Variants in RYR3 observed in about 807,000 individuals in gnomAD.
The protein encoded by RYR3 is ryanodine receptor 3, also known as brain ryanodine receptor-calcium release channel.
RYR3 carries 207 observed loss-of-function variants against 584.3 expected under a neutral mutation model. That is an observed-to-expected ratio of 0.35 (90% CI 0.32 to 0.40). RYR3 has a LOEUF of 0.40. RYR3 is among the 10% of genes least tolerant of loss of function. The probability of loss-of-function intolerance (pLI) is 1.00; values close to 1 mark genes in which losing one functional copy is unlikely to be tolerated. For missense variants in RYR3, 5,616 were observed against 6,089.2 expected, an observed-to-expected ratio of 0.92 and a Z score of 2.59; for synonymous variants, 2,416 against 2,248.5, an observed-to-expected ratio of 1.07 and a Z score of -2.11.
intron 16 of RYR3, among the ~76,000 whole-genome samples, chr15:33,599,189 C>T (rs1028414530): frequency 6.6e-6 from 1 of 152,074 alleles, no homozygotes; most frequent in African/African-American, 2.4e-5. Context: ...TAAGTTAGCT[C>T]ATGCTGGTAC....
At chr15:33,643,717 T>C (rs986515298) in intron 27 of RYR3, among the ~76,000 whole-genome samples, 62 of 152,226 alleles carry the variant, frequency 4.1e-4, no homozygotes, top group African/African-American at 1.4e-3. Context: ...GTCGGGCAAC[T>C]TGCACCAAGT....
chr15:33,458,200 G>A (rs1263554483), intron 1 of RYR3, among the ~76,000 whole-genome samples: 1 of 152,104 alleles, frequency 6.6e-6, no homozygotes, highest in African/African-American at 2.4e-5. Flanking sequence ...GGCTGGGTAG[G>A]GTAGACAGTG....
intron 94 of RYR3, 33 bp from the exon 95 acceptor site, chr15:33,853,012 T>C: frequency 1.3e-6 from 2 of 1,587,164 alleles, no homozygotes; most frequent in South Asian, 1.1e-5. Flanking sequence ...ATGTTAAGAA[T>C]GAAGAACCAA....
chr15:33,322,284 C>T (rs554538813), intron 1 of RYR3, among the ~76,000 whole-genome samples: 2 of 152,290 alleles, frequency 1.3e-5, no homozygotes, highest in South Asian at 4.2e-4. Flanking sequence ...TCTGGGGAGG[C>T]CTCCAGGAGC....
chr15:33,481,874 C>G (rs900501959), intron 2 of RYR3, among the ~76,000 whole-genome samples: 1 of 151,130 alleles, frequency 6.6e-6, no homozygotes, highest in African/African-American at 2.4e-5. Context: ...ATACAAATTC[C>G]CTTATATCTT....
intron 64 of RYR3, among the ~76,000 whole-genome samples, chr15:33,777,359 C>A (rs1327526406): frequency 6.6e-6 from 1 of 152,154 alleles, no homozygotes; most frequent in Non-Finnish European, 1.5e-5. Context: ...CAAGTCTTTG[C>A]CTAGCTCAAT....
chr15:33,844,214 C>G (rs546812109), intron 92 of RYR3, among the ~76,000 whole-genome samples: 1 of 152,152 alleles, frequency 6.6e-6, no homozygotes, highest in Admixed American at 6.5e-5. Context: ...ACTTTCCACT[C>G]GACAAACTAA....
At chr15:33,817,283 C>G (rs1006008658) in intron 75 of RYR3, among the ~76,000 whole-genome samples, 3 of 152,202 alleles carry the variant, frequency 2.0e-5, no homozygotes, top group Non-Finnish European at 4.4e-5. Flanking sequence ...GCCACCCCAG[C>G]CAAAGCCCCA....
chr15:33,581,922 G>C (rs976284720), intron 14 of RYR3, among the ~76,000 whole-genome samples: 1 of 152,098 alleles, frequency 6.6e-6, no homozygotes, highest in East Asian at 1.9e-4. Flanking sequence ...CCTTTCATGA[G>C]GAAACGAGAC....
At chr15:33,685,354 A>G (rs1306272305) in intron 38 of RYR3, among the ~76,000 whole-genome samples, 1 of 152,224 alleles carries the variant, frequency 6.6e-6, no homozygotes. Context: ...AAAGAAGGCC[A>G]ATACATAATG....
intron 18 of RYR3, among the ~76,000 whole-genome samples, chr15:33,605,872 G>A (rs57050063): frequency 0.15 from 22,494 of 152,182 alleles, 1,726 homozygotes; most frequent in Middle Eastern, 0.19. Flanking sequence ...AGAATGGTGG[G>A]TAGATAGGGG....
chr15:33,661,623 C>T lies in RYR3; in HGVS notation c.4623-530C>T, dbSNP rs749379174. Among the ~76,000 whole-genome samples the T allele has an allele frequency of 7.9e-5, 12 of 152,064 alleles. 1 individual carries two copies. The highest frequency in any genetic ancestry group is 1.2e-4 in the Non-Finnish European group (8 of 68,008). ...ACCTCAGATCATCAGGCGTTAGATT[C>T]TTATAAGGAGCATGCAGCCTAGATC... On this transcript the variant is annotated intron_variant, in intron 34 of 103. Transcript: ENST00000634891.
At chr15:33,548,922 T>C (rs2056456067) in intron 9 of RYR3, among the ~76,000 whole-genome samples, 1 of 152,186 alleles carries the variant, frequency 6.6e-6, no homozygotes, top group South Asian at 2.1e-4. Flanking sequence ...CCTCTAGTTC[T>C]TTCTGCTCAG....
In RYR3 at chr15:33,669,412, G is replaced by A. The variant is rs764604219; in HGVS notation, c.5678G>A (p.Arg1893Gln). The A allele has an allele frequency of 1.1e-5, 17 of 1,613,824 alleles. No individual in the cohort carries two copies. The highest frequency in any genetic ancestry group is 1.6e-4 in the Middle Eastern group (1 of 6,084). ...AACTGCCCCTGCCCAGAGGAGATTCGGGAGGAGCTGTATGATTTCCATGAG... is the reference window on the plus strand; with the variant it reads ...AACTGCCCCTGCCCAGAGGAGATTCAGGAGGAGCTGTATGATTTCCATGAG... ...GENCPCPEEI[R>Q]EELYDFHEDL... is the part of the protein sequence containing the mutation. The change falls in exon 37 of 104, where the codon CGG becomes CAG. Residue 1893 changes from arginine to glutamine, a missense_variant. Physicochemically the swap from Arg to Gln is conservative, Grantham distance 43. Around this residue, in one of 9 missense-constraint regions of RYR3, gnomAD observed 1,280 missense variants for 1,426.2 expected, o/e 0.90. Coordinates refer to ENST00000634891, the MANE Select transcript of RYR3 (RefSeq NM_001036.6).
In RYR3 at chr15:33,636,071, T is replaced by A. The variant is rs1041865488; in HGVS notation, c.3381+252T>A. On this transcript the variant is annotated intron_variant, in intron 26 of 103. Coordinates refer to ENST00000634891, the MANE Select transcript of RYR3 (RefSeq NM_001036.6). ...TACTTTTGCACCCAAGCCCATTGAC[T>A]CCACTCCAGAGGTGACATAAAGATC... Among the ~76,000 whole-genome samples, 4 of 152,248 alleles carry A rather than the reference T, an allele frequency of 2.6e-5. 1 individual carries two copies. Among genetic ancestry groups the A allele is most frequent in the African/African-American group, 9.6e-5 (4 of 41,552 alleles).
intron 74 of RYR3, 29 bp downstream of exon 74, chr15:33,813,608 G>A: frequency 6.5e-7 from 1 of 1,545,192 alleles, no homozygotes; most frequent in Admixed American, 1.7e-5. Context: ...TTCCTGGCAT[G>A]TAAGCCAGCG....
intron 74 of RYR3, 129 bp from the exon 75 acceptor site, chr15:33,816,733 G>T: frequency 3.4e-6 from 2 of 583,724 alleles, no homozygotes; most frequent in Non-Finnish European, 6.3e-6. Context: ...TATGCTACTG[G>T]CTACCCTGAC....
intron 69 of RYR3, among the ~76,000 whole-genome samples, chr15:33,807,247 A>G (rs2076259231): frequency 6.6e-6 from 1 of 152,192 alleles, no homozygotes; most frequent in Non-Finnish European, 1.5e-5. Flanking sequence ...CTGGCCACCC[A>G]CAAGAACTCT....
chr15:33,825,071 C>T (rs2152962929), intron 81 of RYR3, among the ~76,000 whole-genome samples: 1 of 152,300 alleles, frequency 6.6e-6, no homozygotes, highest in Admixed American at 6.5e-5. Flanking sequence ...CCTCAGCTTC[C>T]ATAGGCTTTT....
Sources: gnomAD v4.1 joint callset for allele counts (sites outside exome capture counted in the v4.1 genomes callset) on GRCh38, gnomAD v4.1.1 for gene constraint, gnomAD v4.1.1 regional missense constraint, MANE v1.5 for transcripts, NCBI Gene and HGNC (gene_info 2026-07-23, HGNC 2026-07-21) for gene names.